Variants in MAP4K3 observed in about 807,000 individuals in gnomAD.
The protein encoded by MAP4K3 is MAPK/ERK kinase kinase kinase 3.
In MAP4K3, 94 loss-of-function variants were observed where a neutral mutation model predicts 143.5. That is an observed-to-expected ratio of 0.65 (90% CI 0.55 to 0.78). MAP4K3 has a LOEUF of 0.78. Ranked by LOEUF, MAP4K3 falls within the 30% of genes least tolerant of loss-of-function variation. MAP4K3 has a pLI of 0.00. For missense variants in MAP4K3, 1,077 were observed against 1,068.1 expected, an observed-to-expected ratio of 1.01 and a Z score of -0.12; for synonymous variants, 416 against 347.2, an observed-to-expected ratio of 1.20 and a Z score of -2.20.
At chr2:39,283,976 T>C (rs1414115156) in intron 21 of MAP4K3, among the ~76,000 whole-genome samples, 2 of 152,202 alleles carry the variant, frequency 1.3e-5, no homozygotes, top group African/African-American at 4.8e-5. Flanking sequence ...AACATAAAAA[T>C]ATAACATTTC....
intron 26 of MAP4K3, among the ~76,000 whole-genome samples, chr2:39,268,750 C>A (rs1182707486): frequency 7.1e-6 from 1 of 140,780 alleles, no homozygotes; most frequent in African/African-American, 2.5e-5. Context: ...AGTGATTCTC[C>A]TGCCTCAGCT....
intron 4 of MAP4K3, 137 bp downstream of exon 4, chr2:39,343,251 A>C (rs1665191413): frequency 1.2e-5 from 6 of 501,714 alleles, no homozygotes; most frequent in Non-Finnish European, 2.1e-5. Context: ...TATCTAAAAT[A>C]CCTTTATATA....
chr2:39,331,725 G>A (rs756125565), intron 8 of MAP4K3, among the ~76,000 whole-genome samples, 192 bp downstream of exon 8: 1 of 152,080 alleles, frequency 6.6e-6, no homozygotes, highest in Non-Finnish European at 1.5e-5. Context: ...TTTCTCCTTA[G>A]TGAAAAATAA....
At chr2:39,301,898 C>G (rs1682525424) in intron 15 of MAP4K3, among the ~76,000 whole-genome samples, 1 of 151,970 alleles carries the variant, frequency 6.6e-6, no homozygotes, top group African/African-American at 2.4e-5. Context: ...GTGGCTCGCG[C>G]CTGTAGTCCC....
At chr2:39,329,653 C>T (rs1032714422) in intron 8 of MAP4K3, among the ~76,000 whole-genome samples, 3 of 152,114 alleles carry the variant, frequency 2.0e-5, no homozygotes, top group Admixed American at 6.6e-5. Context: ...CCCCCCAATT[C>T]CCACTGGATA....
intron 6 of MAP4K3, among the ~76,000 whole-genome samples, chr2:39,335,614 TG>T (rs1664922840): frequency 6.6e-6 from 1 of 152,186 alleles, no homozygotes; most frequent in Admixed American, 6.5e-5. Context: ...CTGCTTGAAA[TG>T]TACTCCAACT....
chr2:39,369,193 G>GTTTTTTTGTTTGTTT (rs747293878), intron 2 of MAP4K3, among the ~76,000 whole-genome samples: 1,282 of 37,722 alleles, frequency 0.034, 64 homozygotes, highest in African/African-American at 0.069. Context: ...CTTTGGGCTA[G>GTTTTTTTGTTTGTTT]TTTTTTTTTT....
chr2:39,258,239 T>C (rs1680425571), intron 31 of MAP4K3, 109 bp downstream of exon 31: 1 of 858,412 alleles, frequency 1.2e-6, no homozygotes, highest in South Asian at 1.8e-5. Context: ...GCCATATCCT[T>C]TATTTTAAAA....
At chr2:39,415,807 G>C (rs1017353933) in intron 1 of MAP4K3, among the ~76,000 whole-genome samples, 2 of 150,196 alleles carry the variant, frequency 1.3e-5, no homozygotes, top group African/African-American at 4.9e-5. Context: ...CAAAATATTA[G>C]CCAGGCATGG....
At chr2:39,287,361 T>G (rs997218690) in intron 20 of MAP4K3, among the ~76,000 whole-genome samples, 9 of 152,158 alleles carry the variant, frequency 5.9e-5, no homozygotes, top group South Asian at 4.1e-4. Context: ...TGGCGTGATC[T>G]TGGCTCAGTG....
chr2:39,364,912 T>C lies in MAP4K3; in HGVS notation c.155-8573A>G, dbSNP rs559478939. ...TAATGGGTAGCAGAGACCAAGGTTTTATCATGCAGATGAAGCCTCCAGGTA... is the reference window on the plus strand; with the variant it reads ...TAATGGGTAGCAGAGACCAAGGTTTCATCATGCAGATGAAGCCTCCAGGTA... On this transcript the variant is annotated intron_variant, in intron 2 of 33. Coordinates refer to ENST00000263881, the MANE Select transcript of MAP4K3 (RefSeq NM_003618.4). Among the ~76,000 whole-genome samples, 3 of 151,830 alleles carry C rather than the reference T, an allele frequency of 2.0e-5. No homozygotes were observed. The East Asian group carries it at 5.8e-4, about 29-fold the overall frequency.
At chr2:39,300,413 T>G (rs1682461054) in intron 15 of MAP4K3, among the ~76,000 whole-genome samples, 1 of 152,208 alleles carries the variant, frequency 6.6e-6, no homozygotes, top group Non-Finnish European at 1.5e-5. Flanking sequence ...ACCTTCCGAC[T>G]TAATGCTGTG....
intron 3 of MAP4K3, among the ~76,000 whole-genome samples, chr2:39,346,972 G>A (rs1170821338): frequency 6.6e-6 from 1 of 152,006 alleles, no homozygotes; most frequent in African/African-American, 2.4e-5. Context: ...CTCTAAAAGA[G>A]TGAGTGGTTC....
chr2:39,418,380 GAATA>G (rs1250976720), intron 1 of MAP4K3, among the ~76,000 whole-genome samples: 2 of 152,070 alleles, frequency 1.3e-5, no homozygotes, highest in Non-Finnish European at 2.9e-5. Context: ...TAAAATAACT[GAATA>G]AATACATAAA....
At chr2:39,317,453 A>G (rs554675187) in intron 12 of MAP4K3, among the ~76,000 whole-genome samples, 1 of 152,206 alleles carries the variant, frequency 6.6e-6, no homozygotes, top group African/African-American at 2.4e-5. Flanking sequence ...AGCAAAAGAA[A>G]CTATCAACAG....
intron 12 of MAP4K3, among the ~76,000 whole-genome samples, chr2:39,316,050 AT>A (rs1040007737): frequency 2.0e-5 from 3 of 151,574 alleles, no homozygotes; most frequent in African/African-American, 7.3e-5. Context: ...CAGAAGCTTT[AT>A]TTTTTTTAAT....
At chr2:39,258,278 T>A (rs1388886315) in intron 31 of MAP4K3, 70 bp downstream of exon 31, 2 of 1,001,736 alleles carry the variant, frequency 2.0e-6, no homozygotes, top group Non-Finnish European at 3.0e-6. Context: ...CAATCTTTAA[T>A]TTTGGATAAT....
At chr2:39,318,099 C>G (rs1262058029) in intron 12 of MAP4K3, among the ~76,000 whole-genome samples, 2 of 152,076 alleles carry the variant, frequency 1.3e-5, no homozygotes, top group Non-Finnish European at 2.9e-5. Flanking sequence ...TCTGCAGCAA[C>G]AAGGATGGAG....
chr2:39,367,078 C>T (rs1342141576), intron 2 of MAP4K3, among the ~76,000 whole-genome samples: 5 of 152,014 alleles, frequency 3.3e-5, no homozygotes, highest in Non-Finnish European at 7.4e-5. Flanking sequence ...AAATACTTCA[C>T]CTGATAAAAA....
Sources: gnomAD v4.1 joint callset for allele counts (sites outside exome capture counted in the v4.1 genomes callset) on GRCh38, gnomAD v4.1.1 for gene constraint, MANE v1.5 for transcripts, NCBI Gene and HGNC (gene_info 2026-07-23, HGNC 2026-07-21) for gene names.